C8orf34: variants seen among roughly 807,000 people sequenced by gnomAD.
C8orf34 encodes chromosome 8 open reading frame 34, also known as uncharacterized protein C8orf34.
In C8orf34, 65 loss-of-function variants were observed where a neutral mutation model predicts 68.3. The ratio of observed to expected loss-of-function variants is 0.95; its 90% CI spans 0.78 to 1.17. The LOEUF is 1.17. C8orf34 is among the 50% of genes most tolerant of loss of function. The pLI, the probability that C8orf34 is intolerant of heterozygous loss-of-function variation, is 0.00. For missense variants in C8orf34, 664 were observed against 655.4 expected (o/e 1.01, Z -0.14); for synonymous variants, 244 against 241.2 (o/e 1.01, Z -0.11).
rs114592297 is a variant in C8orf34, at chr8:68,361,468, G to A, written c.327+30129G>A. ...ATATTCCTGGCAGCTGGCACAATGA[G>A]CTCTGAAGGAAGGATCTGGACATGT... On this transcript the variant is annotated intron_variant, in intron 1 of 13. Transcript: ENST00000518698. 8.7e-3 allele frequency among the ~76,000 whole-genome samples: 1,323 copies of A among 152,308 alleles called. 22 individuals are homozygous for A. The highest frequency in any genetic ancestry group is 0.03 in the African/African-American group (1,248 of 41,566).
rs1554577326 is a variant in C8orf34, at chr8:68,553,405, A to AAAAC, written c.1105+20259_1105+20260insCAAA. 2.0e-4 allele frequency among the ~76,000 whole-genome samples: 28 copies of AAAAC among 141,096 alleles called. 2 individuals carry two copies. The highest frequency in any genetic ancestry group is 4.5e-4 in the African/African-American group (16 of 35,214). The allele number at this position is 141,096 out of a possible 152,430, so 92.6% of individuals were successfully genotyped here. A position where few individuals can be genotyped will look rare whatever the true frequency, so the allele number is the denominator to read the frequency against. On this transcript the variant is annotated intron_variant, in intron 7 of 13. Coordinates refer to ENST00000518698, the MANE Select transcript of C8orf34 (RefSeq NM_052958.4). ...ATCTCAAAAAAAAAAAAAAAAAAAA[A>AAAAC]AAAAACATATCCTCCACTCATTTTT...
intron 7 of C8orf34, among the ~76,000 whole-genome samples, chr8:68,610,553 C>A (rs187159647): frequency 1.1e-4 from 17 of 152,246 alleles, no homozygotes; most frequent in African/African-American, 4.1e-4. Flanking sequence ...GGCAAACTTT[C>A]ATAAATTCTT....
chr8:68,339,504 G>T (rs1563631337), intron 1 of C8orf34, among the ~76,000 whole-genome samples: 7 of 151,634 alleles, frequency 4.6e-5, no homozygotes. Flanking sequence ...AAAAGTTAAA[G>T]AATATCTAAA....
chr8:68,783,256 A>G (rs2129528849), intron 11 of C8orf34, among the ~76,000 whole-genome samples: 1 of 152,246 alleles, frequency 6.6e-6, no homozygotes, highest in East Asian at 1.9e-4. Context: ...ATAGAGGCGC[A>G]CGCCTGTAAT....
At chr8:68,618,108 C>G (rs1002972502) in intron 7 of C8orf34, among the ~76,000 whole-genome samples, 1 of 151,876 alleles carries the variant, frequency 6.6e-6, no homozygotes, top group African/African-American at 2.4e-5. Flanking sequence ...TCTTGAATGT[C>G]TCAAATGGAT....
intron 1 of C8orf34, among the ~76,000 whole-genome samples, chr8:68,341,387 T>C (rs1422503970): frequency 6.6e-6 from 1 of 152,176 alleles, no homozygotes; most frequent in Non-Finnish European, 1.5e-5. Context: ...TCTTACACCT[T>C]GTACAAAAAT....
At chr8:68,531,183 T>A (rs1008870154) in intron 6 of C8orf34, among the ~76,000 whole-genome samples, 1 of 152,170 alleles carries the variant, frequency 6.6e-6, no homozygotes, top group African/African-American at 2.4e-5. Flanking sequence ...CATAATATAA[T>A]CATCATATCA....
In C8orf34 at chr8:68,775,713, A is replaced by T. The variant is rs566658172; in HGVS notation, c.1405-686A>T. Among the ~76,000 whole-genome samples the T allele has an allele frequency of 2.6e-4, 39 of 152,354 alleles. 1 individual carries two copies. In the South Asian group the frequency reaches 6.6e-3, roughly 26 times the overall value. Reference sequence around the variant, plus strand: ...ATTTGCGACTTCTTTCCTTAGCCTAATTATGAGACTATATTTATAACATTA... The same window carrying T: ...ATTTGCGACTTCTTTCCTTAGCCTATTTATGAGACTATATTTATAACATTA... On this transcript the variant is annotated intron_variant, in intron 10 of 13. Transcript: ENST00000518698.
At chr8:68,517,302 G>A (rs1814560762) in intron 5 of C8orf34, among the ~76,000 whole-genome samples, 1 of 152,052 alleles carries the variant, frequency 6.6e-6, no homozygotes, top group African/African-American at 2.4e-5. Flanking sequence ...GATCTACTAT[G>A]TGTAAAAAGG....
At chr8:68,558,269 A>G (rs1341291670) in intron 7 of C8orf34, among the ~76,000 whole-genome samples, 1 of 152,168 alleles carries the variant, frequency 6.6e-6, no homozygotes, top group Non-Finnish European at 1.5e-5. Context: ...CCATTTTAAG[A>G]ATAGCATTGG....
chr8:68,801,465 C>T (rs1585905198), intron 12 of C8orf34, among the ~76,000 whole-genome samples: 1 of 152,258 alleles, frequency 6.6e-6, no homozygotes, highest in East Asian at 1.9e-4. Flanking sequence ...TCCATTCCTA[C>T]CTTGGTCAGA....
At chr8:68,496,165 A>C (rs1323895979) in intron 5 of C8orf34, among the ~76,000 whole-genome samples, 1 of 152,206 alleles carries the variant, frequency 6.6e-6, no homozygotes, top group African/African-American at 2.4e-5. Flanking sequence ...TCATGCTCAC[A>C]AAAATTGCTT....
At chr8:68,661,157 C>T (rs890637537) in intron 8 of C8orf34, among the ~76,000 whole-genome samples, 16 of 152,180 alleles carry the variant, frequency 1.1e-4, no homozygotes, top group African/African-American at 3.9e-4. Context: ...TACCAGTGTG[C>T]ATTCCCACCC....
intron 10 of C8orf34, among the ~76,000 whole-genome samples, chr8:68,744,403 A>C (rs1402113707): frequency 6.6e-6 from 1 of 152,246 alleles, no homozygotes; most frequent in Non-Finnish European, 1.5e-5. Flanking sequence ...TGACGAGCTG[A>C]GAGAAGAAGG....
At chr8:68,506,655 G>A (rs1028917077) in intron 5 of C8orf34, among the ~76,000 whole-genome samples, 4 of 152,120 alleles carry the variant, frequency 2.6e-5, no homozygotes, top group African/African-American at 9.7e-5. Flanking sequence ...TCCTAATTTG[G>A]AGGATTGTCA....
chr8:68,726,120 G>A (rs921212251), intron 10 of C8orf34, among the ~76,000 whole-genome samples: 1 of 152,092 alleles, frequency 6.6e-6, no homozygotes, highest in Non-Finnish European at 1.5e-5. Context: ...TGTTGGTCAG[G>A]CTGGACTTAA....
chr8:68,442,786 A>T (rs184503459), intron 2 of C8orf34, among the ~76,000 whole-genome samples: 11 of 152,268 alleles, frequency 7.2e-5, no homozygotes, highest in Non-Finnish European at 1.5e-4. Flanking sequence ...CAGGGCAAGG[A>T]AGTATGAAGC....
intron 1 of C8orf34, among the ~76,000 whole-genome samples, chr8:68,350,759 T>A (rs1269302680): frequency 1.3e-5 from 2 of 151,912 alleles, no homozygotes; most frequent in Admixed American, 1.3e-4. Flanking sequence ...GTCTGAAATC[T>A]GTTTTGTCTG....
intron 8 of C8orf34, among the ~76,000 whole-genome samples, chr8:68,660,009 T>C (rs1343630311): frequency 6.6e-6 from 1 of 152,302 alleles, no homozygotes; most frequent in Non-Finnish European, 1.5e-5. Flanking sequence ...TAGCTTAACA[T>C]AATAACCTTC....
Sources: allele counts gnomAD v4.1 joint callset (sites outside exome capture counted in the v4.1 genomes callset), GRCh38; gene constraint gnomAD v4.1.1; transcripts MANE v1.5; gene names NCBI Gene and HGNC (gene_info 2026-07-23, HGNC 2026-07-21).